The following EEA1 variants were observed in gnomAD, a reference collection of about 807,000 sequenced individuals.
EEA1 encodes the protein early endosome antigen 1.
In EEA1, 111 loss-of-function variants were observed where a neutral mutation model predicts 209.2. That is an observed-to-expected ratio of 0.53 (90% CI 0.45 to 0.62). The LOEUF (loss-of-function observed/expected upper bound fraction) is 0.62. EEA1 is among the 20% of genes least tolerant of loss of function. EEA1 has a pLI of 0.00. For missense variants in EEA1, 1,343 were observed against 1,530.8 expected (o/e 0.88, Z 2.05); for synonymous variants, 536 against 540.6 (o/e 0.99, Z 0.12).
chr12:92,920,951 C>A (rs1255379384), intron 1 of EEA1, among the ~76,000 whole-genome samples: 3 of 151,740 alleles, frequency 2.0e-5, no homozygotes, highest in Non-Finnish European at 4.4e-5. Context: ...CATGAACAAA[C>A]ACTTCTCAAA....
chr12:92,872,524 C>T (rs910760154), intron 2 of EEA1, among the ~76,000 whole-genome samples: 1 of 152,182 alleles, frequency 6.6e-6, no homozygotes, highest in Non-Finnish European at 1.5e-5. Flanking sequence ...ATGATTCTTC[C>T]TTGTAATTTT....
Position 92,793,703 on chromosome 12 carries a change from T to C in EEA1, c.2967+5189A>G, listed in dbSNP as rs140251718. 2.8e-3 allele frequency among the ~76,000 whole-genome samples: 424 copies of C among 152,300 alleles called. 1 individual carries two copies. Among genetic ancestry groups the C allele is most frequent in the African/African-American group, 9.9e-3 (410 of 41,554 alleles). On this transcript the variant is annotated intron_variant, in intron 21 of 28. Transcript: ENST00000322349. ...ATCAATATCATGAAAATGACCTTAC[T>C]GCCCAAAGTAATTTATAGATTCAAT...
At chr12:92,868,616 T>G (rs1450466546) in intron 2 of EEA1, among the ~76,000 whole-genome samples, 1 of 152,240 alleles carries the variant, frequency 6.6e-6, no homozygotes, top group African/African-American at 2.4e-5. Flanking sequence ...AAATAAATGA[T>G]TCATTCCTAA....
chr12:92,869,232 AAC>A (rs1878526857), intron 2 of EEA1, among the ~76,000 whole-genome samples: 1 of 152,220 alleles, frequency 6.6e-6, no homozygotes, highest in Admixed American at 6.5e-5. Context: ...AGCTAACAAT[AAC>A]ACACTAAAAC....
intron 22 of EEA1, 141 bp downstream of exon 22, chr12:92,787,726 T>C: frequency 1.5e-6 from 1 of 656,616 alleles, no homozygotes; most frequent in Non-Finnish European, 2.2e-6. Context: ...AGCATGCTAA[T>C]ACAAAATAAC....
In EEA1 at chr12:92,793,417, A is replaced by C. The variant is rs545396085; in HGVS notation, c.2968-5368T>G. 5.3e-5 allele frequency among the ~76,000 whole-genome samples: 8 copies of C among 152,356 alleles called. No individual in the cohort carries two copies. In the South Asian group the frequency reaches 1.7e-3, roughly 32 times the overall value. On this transcript the variant is annotated intron_variant, in intron 21 of 28. Coordinates refer to ENST00000322349, the MANE Select transcript of EEA1 (RefSeq NM_003566.4). ...AGTCCAAAATCTCCTTAAGCTGATA[A>C]GCAACTTCAGCAAAGTCTCAGGATA... is the stretch of plus-strand genomic sequence containing the variant.
chr12:92,777,630 A>T lies in EEA1; in HGVS notation c.3927T>A (p.Leu1309=), dbSNP rs759555088. 21 of 1,612,128 alleles carry T rather than the reference A, an allele frequency of 1.3e-5. No individual in the cohort carries two copies. Among genetic ancestry groups the T allele is most frequent in the Non-Finnish European group, 1.8e-5 (21 of 1,178,830 alleles). ...TTTGCAATTCTAATACTTTGGTTTG[A>T]AGCTTTTCTATTTCACCTTCTCCTT... ...CLKGEGEIEK[L]QTKVLELQRK... is the part of the protein sequence containing the mutation. The change falls in exon 27 of 29, where the codon CTT becomes CTA. Residue 1309 remains leucine (L), a synonymous_variant. Transcript: ENST00000322349.
chr12:92,838,553 C>A (rs17020776), intron 10 of EEA1, among the ~76,000 whole-genome samples: 2,826 of 152,172 alleles, frequency 0.019, 96 homozygotes, highest in African/African-American at 0.063. Context: ...GGGAAAAGCA[C>A]AGCTATGAAA....
At chr12:92,893,928 T>C (rs985893436) in intron 1 of EEA1, among the ~76,000 whole-genome samples, 7 of 152,212 alleles carry the variant, frequency 4.6e-5, no homozygotes, top group Non-Finnish European at 8.8e-5. Context: ...GTCTCTTTAT[T>C]GCACTTTGCA....
intron 2 of EEA1, among the ~76,000 whole-genome samples, chr12:92,874,586 G>A (rs1019390391): frequency 5.5e-4 from 83 of 152,190 alleles, no homozygotes; most frequent in African/African-American, 1.9e-3. Flanking sequence ...AGCTGGTCTC[G>A]AACTCCTGAC....
rs1396958935 is a variant in EEA1 at position 92,774,906 on chromosome 12, A to C, written c.*1105T>G. 1 of 151,794 alleles carries C rather than the reference A, an allele frequency of 6.6e-6. No homozygotes were observed. The highest frequency in any genetic ancestry group is 1.5e-5 in the Non-Finnish European group (1 of 67,714). The allele number at this position is 151,794 out of a possible 1,614,324, so 9.4% of individuals were successfully genotyped here. A position where few individuals can be genotyped will look rare whatever the true frequency, so the allele number is the denominator to read the frequency against. On this transcript the variant is annotated 3_prime_UTR_variant, in exon 29 of 29. Transcript: ENST00000322349. The stretch of plus-strand genomic sequence containing the variant: ...TAAGAAATAGAAAGTAAAATATTTA[A>C]TGTCTTCTTATCATTTTATATTTTG...
intron 7 of EEA1, 40 bp downstream of exon 7, chr12:92,852,872 G>T: frequency 7.0e-7 from 1 of 1,425,098 alleles, no homozygotes; most frequent in South Asian, 1.2e-5. Context: ...AAAAGGTAAT[G>T]AGATTGATTT....
At chr12:92,827,820 C>A in intron 12 of EEA1, 92 bp downstream of exon 12, 1 of 1,314,888 alleles carries the variant, frequency 7.6e-7, no homozygotes, top group Non-Finnish European at 9.9e-7. Context: ...TTTAAAAAGT[C>A]CAATTAAAGC....
intron 2 of EEA1, among the ~76,000 whole-genome samples, chr12:92,870,138 A>T (rs1026624233): frequency 6.6e-6 from 1 of 152,088 alleles, no homozygotes; most frequent in African/African-American, 2.4e-5. Flanking sequence ...TACCTTATTC[A>T]CCTATTATCT....
Position 92,779,311 on chromosome 12 carries a change from A to G in EEA1, c.3469-11T>C, listed in dbSNP as rs1423193145. On this transcript the variant is annotated splice_polypyrimidine_tract_variant and intron_variant, in intron 24 of 28. Coordinates refer to ENST00000322349, the MANE Select transcript of EEA1 (RefSeq NM_003566.4). ...AAGATTTGTTATCTCCTGTTGAAAAAGTAGGGCCAAAAATAAATCATCCTT... is the reference window on the plus strand; with the variant it reads ...AAGATTTGTTATCTCCTGTTGAAAAGGTAGGGCCAAAAATAAATCATCCTT... The G allele has an allele frequency of 6.4e-7, 1 of 1,570,804 alleles. No homozygotes were observed.
At chr12:92,921,879 A>AAAAAAAAAG (rs1881021689) in intron 1 of EEA1, among the ~76,000 whole-genome samples, 1 of 149,600 alleles carries the variant, frequency 6.7e-6, no homozygotes, top group Non-Finnish European at 1.5e-5. Context: ...AAAAAAAAAA[A>AAAAAAAAAG]AAAAAAAGAA....
chr12:92,910,504 C>T (rs961001467), intron 1 of EEA1, among the ~76,000 whole-genome samples: 2 of 151,752 alleles, frequency 1.3e-5, no homozygotes, highest in African/African-American at 4.8e-5. Context: ...AAATGGATCA[C>T]AAACCTAAAT....
intron 13 of EEA1, among the ~76,000 whole-genome samples, chr12:92,823,778 C>T (rs1477053099): frequency 6.6e-6 from 1 of 152,150 alleles, no homozygotes; most frequent in Non-Finnish European, 1.5e-5. Flanking sequence ...CCCTGCTGTT[C>T]CCTCAGTTTG....
intron 2 of EEA1, among the ~76,000 whole-genome samples, chr12:92,888,319 G>T (rs1026240911): frequency 6.6e-6 from 1 of 152,108 alleles, no homozygotes; most frequent in African/African-American, 2.4e-5. Flanking sequence ...AGTGGCTTAC[G>T]CCTGTAATGC....
Sources: gnomAD v4.1 joint callset for allele counts (sites outside exome capture counted in the v4.1 genomes callset) on GRCh38, gnomAD v4.1.1 for gene constraint, MANE v1.5 for transcripts, NCBI Gene and HGNC (gene_info 2026-07-23, HGNC 2026-07-21) for gene names.